The following MLIP variants were observed in gnomAD, a reference collection of about 807,000 sequenced individuals.
MLIP encodes muscular LMNA-interacting protein.
Under a neutral mutation model 84.8 loss-of-function variants are expected in MLIP, and 79 were observed. That is an observed-to-expected ratio of 0.93 (90% CI 0.78 to 1.12). The LOEUF (loss-of-function observed/expected upper bound fraction) is 1.12, where lower values mean the gene tolerates loss of function less well. Ranked by LOEUF, MLIP falls within the 50% of genes most tolerant of loss-of-function variation. The pLI, the probability that MLIP is intolerant of heterozygous loss-of-function variation, is 0.00. For synonymous variants in MLIP, 504 were observed against 463.0 expected, an observed-to-expected ratio of 1.09 and a Z score of -1.14; for missense variants, 1,257 against 1,160.6, an observed-to-expected ratio of 1.08 and a Z score of -1.21.
At chr6:54,108,638 A>C (rs1373757344), upstream of MLIP, among the ~76,000 whole-genome samples, 2 of 152,236 alleles carry the variant, frequency 1.3e-5, no homozygotes, top group African/African-American at 4.8e-5. Context: ...AAGGGAAAGA[A>C]AATGGTTAGA....
chr6:54,169,904 C>T (rs1238189774), intron 9 of MLIP, among the ~76,000 whole-genome samples: 7 of 151,704 alleles, frequency 4.6e-5, no homozygotes, highest in African/African-American at 7.2e-5. Context: ...GAATAGTCAA[C>T]TCATATACTT....
intron 4 of MLIP, among the ~76,000 whole-genome samples, chr6:54,144,634 C>T (rs1772619828): frequency 6.6e-6 from 1 of 152,170 alleles, no homozygotes; most frequent in Admixed American, 6.6e-5. Context: ...AGAGCTTAGG[C>T]AGTCATACAC....
intron 1 of MLIP, among the ~76,000 whole-genome samples, chr6:54,073,501 G>A (rs557127055): frequency 6.6e-6 from 1 of 152,258 alleles, no homozygotes; most frequent in African/African-American, 2.4e-5. Flanking sequence ...CTAAACGCAT[G>A]TACTTTCATC....
chr6:54,136,916 C>T lies in MLIP; in HGVS notation c.847C>T (p.His283Tyr), dbSNP rs751051357. The T allele has an allele frequency of 2.0e-6, 3 of 1,535,588 alleles. No homozygotes were observed. The highest frequency in any genetic ancestry group is 2.4e-5 in the South Asian group (2 of 84,028). The stretch of plus-strand genomic sequence containing the variant: ...AGCTACGTATTTTCAAACTACCGCT[C>T]ACTCTACACCCTTTTCTGCATCGAA... Reference protein sequence around the residue: ...ESATYFQTTAHSTPFSASKGT... With the variant: ...ESATYFQTTAYSTPFSASKGT... The change falls in exon 4 of 14, where the codon CAC (histidine) becomes TAC (tyrosine). Residue 283 changes from histidine to tyrosine, a missense_variant. His to Tyr is a moderately conservative substitution (Grantham distance 83, BLOSUM62 2). Transcript: ENST00000502396.
At chr6:54,077,898 C>T (rs1272581410) in intron 1 of MLIP, among the ~76,000 whole-genome samples, 3 of 152,158 alleles carry the variant, frequency 2.0e-5, no homozygotes, top group South Asian at 2.1e-4. Flanking sequence ...GATTATGGAG[C>T]ATTTTTTCGT....
intron 10 of MLIP, among the ~76,000 whole-genome samples, chr6:54,191,480 G>A (rs533010273): frequency 5.9e-5 from 9 of 152,222 alleles, no homozygotes; most frequent in Non-Finnish European, 1.2e-4. Context: ...GTGTGGGGGG[G>A]CAATATAGTA....
intron 1 of MLIP, among the ~76,000 whole-genome samples, chr6:54,096,052 T>C (rs1017523383): frequency 1.3e-5 from 2 of 152,152 alleles, no homozygotes; most frequent in Non-Finnish European, 2.9e-5. Context: ...TTATATCTTA[T>C]GCAAAGTAAA....
chr6:54,084,168 C>A (rs1767339556), intron 1 of MLIP, among the ~76,000 whole-genome samples: 1 of 151,880 alleles, frequency 6.6e-6, no homozygotes, highest in South Asian at 2.1e-4. Context: ...TTTTTTGCTC[C>A]CCCTATCACC....
At chr6:54,165,561 A>G (rs992855465) in intron 8 of MLIP, among the ~76,000 whole-genome samples, 3 of 151,934 alleles carry the variant, frequency 2.0e-5, no homozygotes, top group Admixed American at 6.6e-5. Context: ...GGTGTAGAAT[A>G]CGTAAAAACA....
At chr6:54,211,025 G>A (rs1182415748) in intron 11 of MLIP, among the ~76,000 whole-genome samples, 1 of 152,080 alleles carries the variant, frequency 6.6e-6, no homozygotes, top group Non-Finnish European at 1.5e-5. Context: ...GATTACCTGA[G>A]GTCAGGAGTT....
At chr6:54,090,292 G>C (rs185200808) in intron 1 of MLIP, among the ~76,000 whole-genome samples, 1 of 152,188 alleles carries the variant, frequency 6.6e-6, no homozygotes, top group East Asian at 1.9e-4. Context: ...GAGTCCATCA[G>C]CTATCTTATT....
Position 54,078,691 on chromosome 6 carries a change from C to CTTT in MLIP, c.64-42742_64-42740dup, listed in dbSNP as rs70980890. ...CAAATAATTTTCTTTTTCTTTCTTT[C>CTTT]TTTTTTTTTTTTTTTTGAGATGGAG... On this transcript the variant is annotated intron_variant, in intron 1 of 12. Coordinates refer to the MLIP transcript ENST00000274897. Among the ~76,000 whole-genome samples, 34 of 133,358 alleles carry CTTT rather than the reference C, an allele frequency of 2.5e-4. 1 individual carries two copies. The highest frequency in any genetic ancestry group is 3.4e-4 in the Non-Finnish European group (22 of 64,476). The allele number at this position is 133,358 out of a possible 152,430, so 87.5% of individuals were successfully genotyped here. A position where few individuals can be genotyped will look rare whatever the true frequency, so the allele number is the denominator to read the frequency against.
intron 13 of MLIP, 136 bp downstream of exon 13, chr6:54,257,497 C>G (rs1289432685): frequency 1.6e-6 from 1 of 621,470 alleles, no homozygotes; most frequent in Non-Finnish European, 2.8e-6. Context: ...CTGTTTCACT[C>G]TGTCAGTCAC....
At chr6:54,098,801 G>T (rs747487259) in intron 1 of MLIP, among the ~76,000 whole-genome samples, 6 of 152,090 alleles carry the variant, frequency 3.9e-5, no homozygotes, top group Non-Finnish European at 8.8e-5. Flanking sequence ...GCCAAATACT[G>T]TTCCAAAGGC....
chr6:54,262,819 C>G (rs536549186), intron 13 of MLIP, among the ~76,000 whole-genome samples: 6 of 152,106 alleles, frequency 3.9e-5, no homozygotes, highest in South Asian at 2.1e-4. Context: ...AAATCTCTCC[C>G]CTTATGCTCA....
Position 54,137,128 on chromosome 6 carries a change from T to C in MLIP, c.1059T>C (p.Ser353=). 6.5e-7 allele frequency: 1 copy of C among 1,536,114 alleles called. No individual in the cohort carries two copies. The highest frequency in any genetic ancestry group is 8.7e-7 in the Non-Finnish European group (1 of 1,146,894). The stretch of plus-strand genomic sequence containing the variant: ...CCTCTTCTTCTCCACCGTCCTCCAG[T>C]GCTTCTCTGAAGTCGAATTCGGCCT... ...PRTSSSPPSS[S]ASLKSNSASY... The change falls in exon 4 of 14, where the codon AGT becomes AGC. Residue 353 remains serine (S), a synonymous_variant. Transcript: ENST00000502396.
intron 12 of MLIP, among the ~76,000 whole-genome samples, chr6:54,251,235 A>C (rs1782456811): frequency 6.6e-6 from 1 of 151,478 alleles, no homozygotes; most frequent in South Asian, 2.1e-4. Context: ...TGACTTTACT[A>C]TTCAACCTGT....
At chr6:54,190,488 T>A (rs568648816) in intron 10 of MLIP, among the ~76,000 whole-genome samples, 12 of 152,306 alleles carry the variant, frequency 7.9e-5, no homozygotes, top group African/African-American at 2.6e-4. Flanking sequence ...ATAAATATTA[T>A]CATTTCAATG....
At chr6:54,211,967 C>A (rs1042152942) in intron 11 of MLIP, among the ~76,000 whole-genome samples, 6 of 152,088 alleles carry the variant, frequency 3.9e-5, no homozygotes, top group African/African-American at 4.8e-5. Flanking sequence ...GAACTAAGAA[C>A]TTCTCCCTAT....
Sources: gnomAD v4.1 joint callset for allele counts (sites outside exome capture counted in the v4.1 genomes callset) on GRCh38, gnomAD v4.1.1 for gene constraint, MANE v1.5 for transcripts, NCBI Gene and HGNC (gene_info 2026-07-23, HGNC 2026-07-21) for gene names.